ZNF385B: variants seen among roughly 807,000 people sequenced by gnomAD.
The protein encoded by ZNF385B is zinc finger protein 533.
A neutral mutation model predicts 39.2 loss-of-function variants in ZNF385B; 23 were observed. That is an observed-to-expected ratio of 0.59 (90% CI 0.42 to 0.83). The LOEUF (loss-of-function observed/expected upper bound fraction) is 0.83. Among genes scored for constraint, ZNF385B ranks in the 40% least tolerant of loss-of-function variants. The pLI is 0.00. For missense variants in ZNF385B, 552 were observed against 598.9 expected, an observed-to-expected ratio of 0.92 and a Z score of 0.82; for synonymous variants, 205 against 222.6, an observed-to-expected ratio of 0.92 and a Z score of 0.70.
chr2:179,673,185 C>A (rs1024669588), intron 3 of ZNF385B, among the ~76,000 whole-genome samples: 18 of 152,076 alleles, frequency 1.2e-4, no homozygotes, highest in African/African-American at 3.9e-4. Context: ...AGCGAAGTAA[C>A]ATATATGTTC....
intron 5 of ZNF385B, among the ~76,000 whole-genome samples, chr2:179,486,776 C>A (rs1331767294): frequency 6.6e-6 from 1 of 152,064 alleles, no homozygotes; most frequent in Non-Finnish European, 1.5e-5. Flanking sequence ...ATTAGCTGAA[C>A]ATGATGGCAC....
At chr2:179,662,444 A>G (rs1322249388) in intron 3 of ZNF385B, among the ~76,000 whole-genome samples, 21 of 151,058 alleles carry the variant, frequency 1.4e-4, no homozygotes. Context: ...TAAGGCATTC[A>G]GTCTGTGGTA....
At chr2:179,859,695 G>A (rs1442755536) in intron 1 of ZNF385B, among the ~76,000 whole-genome samples, 3 of 152,150 alleles carry the variant, frequency 2.0e-5, no homozygotes, top group South Asian at 2.1e-4. Context: ...TAATTTATGG[G>A]AATATAGAAT....
intron 3 of ZNF385B, among the ~76,000 whole-genome samples, chr2:179,564,418 C>T (rs1000810038): frequency 2.6e-5 from 4 of 152,130 alleles, no homozygotes; most frequent in African/African-American, 9.7e-5. Context: ...CTAGCTAAGT[C>T]ATCACCTTGA....
chr2:179,593,638 T>A (rs559379737), intron 3 of ZNF385B, among the ~76,000 whole-genome samples: 4 of 152,284 alleles, frequency 2.6e-5, no homozygotes, highest in Admixed American at 6.5e-5. Context: ...ATTCTGTCCT[T>A]ATGGTTATTA....
At chr2:179,507,740 T>C (rs1339943349) in intron 5 of ZNF385B, among the ~76,000 whole-genome samples, 1 of 152,156 alleles carries the variant, frequency 6.6e-6, no homozygotes, top group Non-Finnish European at 1.5e-5. Context: ...GCTTTTTTAC[T>C]CTCCTTAAAT....
rs115977835 is a variant in ZNF385B at position 179,815,250 on chromosome 2, A to G, written c.-154-44578T>C. On this transcript the variant is annotated intron_variant, in intron 1 of 9. Transcript: ENST00000410066. ...GAATAGGTAGAGAGACTTGTCTAGG[A>G]GGGACATCTTTCATTTGATACCTGT... Among the ~76,000 whole-genome samples the G allele has an allele frequency of 3.6e-3, 555 of 152,312 alleles. 6 individuals are homozygous for G. Among genetic ancestry groups the G allele is most frequent in the African/African-American group, 0.013 (534 of 41,588 alleles).
rs1411827437 is a variant in ZNF385B, at chr2:179,736,117, TG to T, written c.298+33385del. ...ATGTGAAAAAGAAAAATAAATACCT[TG>T]GCCAGCAAGAACCATGACTGTGACA... is the stretch of plus-strand genomic sequence containing the variant. On this transcript the variant is annotated intron_variant, in intron 3 of 9. Transcript: ENST00000410066. Among the ~76,000 whole-genome samples the T allele has an allele frequency of 5.9e-5, 9 of 152,236 alleles. No individual in the cohort carries two copies. The South Asian group carries it at 1.0e-3, about 18-fold the overall frequency.
chr2:179,713,308 C>G (rs1700123286), intron 3 of ZNF385B, among the ~76,000 whole-genome samples: 1 of 152,188 alleles, frequency 6.6e-6, no homozygotes, highest in Non-Finnish European at 1.5e-5. Context: ...ATTTACCTCT[C>G]CTACATCATT....
intron 3 of ZNF385B, among the ~76,000 whole-genome samples, chr2:179,572,415 A>C (rs1163583611): frequency 6.6e-6 from 1 of 152,100 alleles, no homozygotes; most frequent in Non-Finnish European, 1.5e-5. Flanking sequence ...TAGGAAAAAC[A>C]CTGATATGGC....
intron 1 of ZNF385B, among the ~76,000 whole-genome samples, chr2:179,807,555 C>T (rs548470129): frequency 4.7e-4 from 71 of 151,932 alleles, no homozygotes; most frequent in African/African-American, 1.7e-3. Context: ...TGCTCTCCAG[C>T]CTGGGTGACA....
At chr2:179,682,431 C>G (rs1253682535) in intron 3 of ZNF385B, among the ~76,000 whole-genome samples, 3 of 152,182 alleles carry the variant, frequency 2.0e-5, no homozygotes, top group African/African-American at 7.2e-5. Context: ...AAACTGATCT[C>G]TTTTATGCCT....
intron 3 of ZNF385B, among the ~76,000 whole-genome samples, chr2:179,656,732 A>C (rs1234236936): frequency 6.6e-6 from 1 of 152,158 alleles, no homozygotes; most frequent in Non-Finnish European, 1.5e-5. Context: ...TCTCCCAAGA[A>C]ATTTTAATAC....
intron 3 of ZNF385B, among the ~76,000 whole-genome samples, chr2:179,734,649 T>C (rs771503447): frequency 6.6e-6 from 1 of 152,224 alleles, no homozygotes; most frequent in East Asian, 1.9e-4. Flanking sequence ...AGGTATTATA[T>C]TGAGAGTCAC....
intron 3 of ZNF385B, among the ~76,000 whole-genome samples, chr2:179,613,951 G>A (rs1035568624): frequency 6.7e-5 from 10 of 149,252 alleles, no homozygotes; most frequent in South Asian, 6.4e-4. Context: ...CTCCTTGGGC[G>A]CCAGCTGAGT....
At chr2:179,731,110 T>C (rs1375381373) in intron 3 of ZNF385B, among the ~76,000 whole-genome samples, 1 of 152,230 alleles carries the variant, frequency 6.6e-6, no homozygotes, top group Non-Finnish European at 1.5e-5. Flanking sequence ...AACCTGTATG[T>C]TCAGATTTGG....
At chr2:179,668,990 C>T (rs1006355678) in intron 3 of ZNF385B, among the ~76,000 whole-genome samples, 28 of 152,224 alleles carry the variant, frequency 1.8e-4, no homozygotes, top group African/African-American at 6.5e-4. Context: ...TATCAAGGTA[C>T]AGCTTCAAGT....
intron 3 of ZNF385B, among the ~76,000 whole-genome samples, chr2:179,729,773 C>T (rs932079576): frequency 7.2e-5 from 11 of 152,084 alleles, no homozygotes; most frequent in Non-Finnish European, 1.2e-4. Flanking sequence ...ATCATGGGGG[C>T]GGTTCCCCCA....
intron 3 of ZNF385B, among the ~76,000 whole-genome samples, chr2:179,740,305 G>A (rs1351680086): frequency 6.6e-6 from 1 of 152,160 alleles, no homozygotes; most frequent in Non-Finnish European, 1.5e-5. Context: ...AATTTGAAAT[G>A]TGAGCAAAAA....
Sources: gnomAD v4.1 joint callset for allele counts (sites outside exome capture counted in the v4.1 genomes callset) on GRCh38, gnomAD v4.1.1 for gene constraint, MANE v1.5 for transcripts, NCBI Gene and HGNC (gene_info 2026-07-23, HGNC 2026-07-21) for gene names.